Variants in R3HCC1L observed in about 807,000 individuals in gnomAD.
R3HCC1L encodes coiled-coil domain-containing protein R3HCC1L.
A neutral mutation model predicts 59.9 loss-of-function variants in R3HCC1L; 51 were observed. That is an observed-to-expected ratio of 0.85 (90% CI 0.68 to 1.07). R3HCC1L has a LOEUF of 1.07. Ranked by LOEUF, R3HCC1L falls within the 50% of genes least tolerant of loss-of-function variation. The pLI, the probability that R3HCC1L is intolerant of heterozygous loss-of-function variation, is 0.00. For missense variants in R3HCC1L, 965 were observed against 933.0 expected, an observed-to-expected ratio of 1.03 and a Z score of -0.45; for synonymous variants, 322 against 315.2, an observed-to-expected ratio of 1.02 and a Z score of -0.23.
chr10:98,193,613 A>C (rs1052590440), intron 4 of R3HCC1L, among the ~76,000 whole-genome samples: 5 of 152,158 alleles, frequency 3.3e-5, no homozygotes, highest in Non-Finnish European at 4.4e-5. Flanking sequence ...AAAGATACAA[A>C]AATATGGAAA....
intron 1 of R3HCC1L, among the ~76,000 whole-genome samples, chr10:98,142,105 A>G (rs914031891): frequency 1.3e-5 from 2 of 152,220 alleles, no homozygotes; most frequent in Non-Finnish European, 2.9e-5. Flanking sequence ...AAGCAATTTT[A>G]AATTATTTTC....
intron 4 of R3HCC1L, among the ~76,000 whole-genome samples, chr10:98,166,776 C>T (rs1454849609): frequency 2.6e-5 from 4 of 152,202 alleles, no homozygotes; most frequent in African/African-American, 4.8e-5. Flanking sequence ...AGCGATTCTC[C>T]TGCCTCAGCC....
At chr10:98,176,247 C>T (rs544371444) in intron 4 of R3HCC1L, among the ~76,000 whole-genome samples, 184 of 152,178 alleles carry the variant, frequency 1.2e-3, no homozygotes, top group African/African-American at 4.1e-3. Context: ...GTTACTTTGG[C>T]GATTCCAGTT....
At chr10:98,242,862 A>G (rs1024412191) in intron 9 of R3HCC1L, among the ~76,000 whole-genome samples, 1 of 152,228 alleles carries the variant, frequency 6.6e-6, no homozygotes, top group African/African-American at 2.4e-5. Flanking sequence ...TCCATTAGAC[A>G]AACCAGTTAT....
chr10:98,171,474 A>G (rs971491017), intron 4 of R3HCC1L, among the ~76,000 whole-genome samples: 11 of 152,192 alleles, frequency 7.2e-5, no homozygotes, highest in African/African-American at 2.7e-4. Flanking sequence ...GTAAACTATC[A>G]TGACATCAAA....
chr10:98,227,685 A>G (rs1855835511), intron 5 of R3HCC1L, among the ~76,000 whole-genome samples: 1 of 151,376 alleles, frequency 6.6e-6, no homozygotes, highest in Non-Finnish European at 1.5e-5. Flanking sequence ...GCACCCATTA[A>G]CTCGTCATTT....
chr10:98,201,500 ACTGT>A (rs368377413), intron 4 of R3HCC1L, among the ~76,000 whole-genome samples: 602 of 152,352 alleles, frequency 4.0e-3, no homozygotes, highest in South Asian at 9.7e-3. Flanking sequence ...AAATGAATAT[ACTGT>A]CTAAGTATTT....
intron 2 of R3HCC1L, among the ~76,000 whole-genome samples, chr10:98,159,798 T>C (rs1432601844): frequency 6.6e-6 from 1 of 152,202 alleles, no homozygotes; most frequent in African/African-American, 2.4e-5. Context: ...AGCCTTGGAA[T>C]AAGGAATTTC....
At chr10:98,205,184 A>G (rs528160338) in intron 4 of R3HCC1L, among the ~76,000 whole-genome samples, 3 of 152,364 alleles carry the variant, frequency 2.0e-5, no homozygotes, top group African/African-American at 4.8e-5. Flanking sequence ...TTATTTTACT[A>G]CATTTTATTA....
intron 4 of R3HCC1L, among the ~76,000 whole-genome samples, chr10:98,197,314 C>T (rs1316227956): frequency 6.6e-6 from 1 of 152,028 alleles, no homozygotes; most frequent in Non-Finnish European, 1.5e-5. Flanking sequence ...CGTGTTCATT[C>T]TTTTTCCTGG....
intron 4 of R3HCC1L, among the ~76,000 whole-genome samples, chr10:98,196,354 T>G (rs990944920): frequency 6.6e-6 from 1 of 152,186 alleles, no homozygotes; most frequent in African/African-American, 2.4e-5. Context: ...GCCATTCCAG[T>G]GTTAACGACA....
intron 4 of R3HCC1L, among the ~76,000 whole-genome samples, chr10:98,207,377 T>C (rs1852811281): frequency 6.6e-6 from 1 of 152,206 alleles, no homozygotes; most frequent in South Asian, 2.1e-4. Flanking sequence ...TGAGCAACCA[T>C]GGTGGAGGTT....
intron 5 of R3HCC1L, among the ~76,000 whole-genome samples, chr10:98,213,388 TG>T (rs1853809495): frequency 6.6e-6 from 1 of 152,230 alleles, no homozygotes; most frequent in African/African-American, 2.4e-5. Context: ...TATGTAACTA[TG>T]TGACTAGTCC....
intron 4 of R3HCC1L, among the ~76,000 whole-genome samples, chr10:98,168,078 A>T (rs889530042): frequency 6.6e-6 from 1 of 152,246 alleles, no homozygotes; most frequent in Non-Finnish European, 1.5e-5. Context: ...TAACTGTAGA[A>T]GCAGACCAAC....
chr10:98,213,663 A>G (rs1853841233), intron 5 of R3HCC1L, among the ~76,000 whole-genome samples: 2 of 152,120 alleles, frequency 1.3e-5, no homozygotes, highest in Non-Finnish European at 2.9e-5. Context: ...TCTGTTTTCT[A>G]TTCCATTTTA....
In R3HCC1L at chr10:98,136,667, C is replaced by A. The variant is rs557214930; in HGVS notation, c.-268+1961C>A. 2.6e-5 allele frequency among the ~76,000 whole-genome samples: 4 copies of A among 152,250 alleles called. No individual in the cohort carries two copies. In the South Asian group the frequency reaches 8.3e-4, roughly 32 times the overall value. The stretch of plus-strand genomic sequence containing the variant: ...CCTGGGCAACATAATGAAACCCCAT[C>A]TCTATTAAAAGTACAAAAAATTAAC... On this transcript the variant is annotated intron_variant, in intron 1 of 9. Coordinates refer to ENST00000298999, the MANE Select transcript of R3HCC1L (RefSeq NM_001351015.2).
At chr10:98,193,647 T>G (rs550808062) in intron 4 of R3HCC1L, among the ~76,000 whole-genome samples, 1 of 152,288 alleles carries the variant, frequency 6.6e-6, no homozygotes, top group East Asian at 1.9e-4. Context: ...ATTATTATGC[T>G]GAAACTAAAG....
chr10:98,169,883 C>T (rs373065612), intron 4 of R3HCC1L, among the ~76,000 whole-genome samples: 1 of 149,140 alleles, frequency 6.7e-6, no homozygotes, highest in African/African-American at 2.5e-5. Flanking sequence ...CCTAACACAA[C>T]CTTTTTTTTT....
rs1430072549 is a variant in R3HCC1L, at chr10:98,174,706, T to C, written c.-15+11309T>C. The C allele has an allele frequency of 1.4e-5, 14 of 984,124 alleles. No individual in the cohort carries two copies. In the Admixed American group the frequency reaches 8.0e-4, roughly 56 times the overall value. The allele number at this position is 984,124 out of a possible 1,614,324, so 61.0% of individuals were successfully genotyped here. A position where few individuals can be genotyped will look rare whatever the true frequency, so the allele number is the denominator to read the frequency against. ...AGAATGGAGACTTTGTGTCTGAGAA[T>C]GATAGAAGTATTATTGAAATTGTAG... On this transcript the variant is annotated intron_variant, in intron 4 of 9. Transcript: ENST00000298999.
Sources: gnomAD v4.1 joint callset for allele counts (sites outside exome capture counted in the v4.1 genomes callset) on GRCh38, gnomAD v4.1.1 for gene constraint, MANE v1.5 for transcripts, NCBI Gene and HGNC (gene_info 2026-07-23, HGNC 2026-07-21) for gene names.